The following FAT3 variants were observed in gnomAD, a reference collection of about 807,000 sequenced individuals.
FAT3 encodes the protein protocadherin Fat 3.
Under a neutral mutation model 310.2 loss-of-function variants are expected in FAT3, and 95 were observed. That is an observed-to-expected ratio of 0.31 (90% CI 0.26 to 0.36). The LOEUF is 0.36. Ranked by LOEUF, FAT3 falls within the 10% of genes least tolerant of loss-of-function variation. The probability of loss-of-function intolerance (pLI) is 1.00; values close to 1 mark genes in which losing one functional copy is unlikely to be tolerated. For missense variants in FAT3, 5,408 were observed against 5,715.6 expected, an observed-to-expected ratio of 0.95 and a Z score of 1.74; for synonymous variants, 2,314 against 2,192.9, an observed-to-expected ratio of 1.06 and a Z score of -1.54.
intron 5 of FAT3, among the ~76,000 whole-genome samples, chr11:92,763,119 A>T (rs1946203980): frequency 6.6e-6 from 1 of 151,762 alleles, no homozygotes; most frequent in Admixed American, 6.6e-5. Context: ...AGACCACGCC[A>T]CTGCACTCCA....
At chr11:92,636,766 C>T (rs936350626) in intron 3 of FAT3, among the ~76,000 whole-genome samples, 1 of 152,190 alleles carries the variant, frequency 6.6e-6, no homozygotes, top group Non-Finnish European at 1.5e-5. Context: ...CTATATTGCT[C>T]AGGAAGCCTG....
At position 92,353,290 on chromosome 11, in the gene FAT3, T is replaced by C. The variant is rs1483857575; in HGVS notation, c.1178T>C (p.Val393Ala). ...ATAAGTGAATTTTCCCCTCCTGGTG[T>C]CGTGGTTGCTATAGTAAAATTAAGT... ...VSISEFSPPG[V>A]VVAIVKLSPE... Residue 393 changes from valine (V) to alanine (A), a missense_variant, in exon 2 of 28, where the codon GTC becomes GCC. Coordinates refer to ENST00000525166, the MANE Select transcript of FAT3 (RefSeq NM_001367949.2). 2.5e-6 allele frequency: 4 copies of C among 1,613,706 alleles called. No individual in the cohort carries two copies. Among genetic ancestry groups the C allele is most frequent in the Non-Finnish European group, 3.4e-6 (4 of 1,179,800 alleles).
At chr11:92,295,028 G>A (rs1405722157) in intron 1 of FAT3, among the ~76,000 whole-genome samples, 1 of 152,070 alleles carries the variant, frequency 6.6e-6, no homozygotes, top group Non-Finnish European at 1.5e-5. Context: ...ACCCTATCAT[G>A]AGCAAACCTG....
At position 92,422,862 on chromosome 11, in the gene FAT3, G is replaced by C. The variant is rs1417998336; in HGVS notation, c.3292+67458G>C. Among the ~76,000 whole-genome samples, 3 of 152,148 alleles carry C rather than the reference G, an allele frequency of 2.0e-5. No homozygotes were observed. The East Asian group carries it at 5.8e-4, about 29-fold the overall frequency. ...TCAGTAGATATTCGTTGCATGGCTA[G>C]TGGTCAAATCAGTTGTCTTGCAAGG... On this transcript the variant is annotated intron_variant, in intron 2 of 27. Coordinates refer to ENST00000525166, the MANE Select transcript of FAT3 (RefSeq NM_001367949.2).
chr11:92,719,362 T>C (rs762900822), intron 4 of FAT3, among the ~76,000 whole-genome samples: 14 of 152,338 alleles, frequency 9.2e-5, no homozygotes, highest in Middle Eastern at 3.4e-3. Context: ...ATCTTTCTTT[T>C]AATTTTATAT....
At chr11:92,463,197 A>G (rs909203186) in intron 2 of FAT3, among the ~76,000 whole-genome samples, 1 of 152,216 alleles carries the variant, frequency 6.6e-6, no homozygotes, top group African/African-American at 2.4e-5. Flanking sequence ...AATGTGTGGT[A>G]TTGACCAATT....
Position 92,378,930 on chromosome 11 carries a change from G to A in FAT3, c.3292+23526G>A, listed in dbSNP as rs118176262. 7.0e-4 allele frequency among the ~76,000 whole-genome samples: 107 copies of A among 152,244 alleles called. No homozygotes were observed. In the East Asian group the frequency reaches 0.017, roughly 24 times the overall value. ...ACTAATCCCATTACTGAGGACTGCT[G>A]CCCTGTGATCTAATCACTTTCCAAA... On this transcript the variant is annotated intron_variant, in intron 2 of 27. Transcript: ENST00000525166.
chr11:92,333,104 T>G (rs1947960769), intron 1 of FAT3, among the ~76,000 whole-genome samples: 1 of 152,160 alleles, frequency 6.6e-6, no homozygotes, highest in South Asian at 2.1e-4. Flanking sequence ...CATATTTTTA[T>G]GTATAAAAAC....
intron 1 of FAT3, among the ~76,000 whole-genome samples, chr11:92,345,860 TG>T (rs66591891): frequency 0.023 from 3,503 of 152,256 alleles, 54 homozygotes; most frequent in Non-Finnish European, 0.033. Context: ...GTTTCCTCAA[TG>T]GTTAAACTAG....
At chr11:92,562,409 C>T (rs1955260542) in intron 3 of FAT3, among the ~76,000 whole-genome samples, 1 of 152,088 alleles carries the variant, frequency 6.6e-6, no homozygotes. Flanking sequence ...TTCATGTTCT[C>T]CCAGTTACTC....
chr11:92,804,755 G>A (rs75579401), intron 10 of FAT3, among the ~76,000 whole-genome samples: 7,947 of 152,172 alleles, frequency 0.052, 246 homozygotes, highest in Non-Finnish European at 0.073. Flanking sequence ...CATAATCAAC[G>A]GCTAATGAAA....
At chr11:92,665,605 A>T (rs1942923704) in intron 3 of FAT3, among the ~76,000 whole-genome samples, 1 of 152,160 alleles carries the variant, frequency 6.6e-6, no homozygotes, top group Non-Finnish European at 1.5e-5. Context: ...AACCCTAAAA[A>T]TTATGGGAAT....
chr11:92,621,473 A>G (rs1055479828), intron 3 of FAT3, among the ~76,000 whole-genome samples: 10 of 152,188 alleles, frequency 6.6e-5, no homozygotes, highest in African/African-American at 2.4e-4. Context: ...TTATTCAACT[A>G]GATCAATTTT....
chr11:92,388,257 A>G (rs191983234), intron 2 of FAT3, among the ~76,000 whole-genome samples: 8 of 152,236 alleles, frequency 5.3e-5, no homozygotes, highest in Admixed American at 4.6e-4. Flanking sequence ...GGCTGAATCT[A>G]TCTGGTGCTG....
At chr11:92,833,810 G>A (rs1049632339) in intron 14 of FAT3, among the ~76,000 whole-genome samples, 1 of 152,132 alleles carries the variant, frequency 6.6e-6, no homozygotes, top group African/African-American at 2.4e-5. Context: ...AAACACCATG[G>A]GGAAATGGCT....
At chr11:92,472,061 T>A (rs538047681) in intron 2 of FAT3, among the ~76,000 whole-genome samples, 5 of 151,550 alleles carry the variant, frequency 3.3e-5, no homozygotes, top group Admixed American at 6.6e-5. Flanking sequence ...GGAGTTCACA[T>A]GGAATAAACA....
Position 92,353,702 on chromosome 11 carries a change from A to G in FAT3, c.1590A>G (p.Thr530=). ...ATCAGTTTACAGGTGTTATTAGCAC[A>G]ACTGAAGAACTGGATTTTGAATCCT... ...VINQFTGVIS[T]TEELDFESSP... Residue 530 remains threonine (T), a synonymous_variant, in exon 2 of 28, where the codon ACA becomes ACG. Coordinates refer to ENST00000525166, the MANE Select transcript of FAT3 (RefSeq NM_001367949.2). 1 of 1,613,948 alleles carries G rather than the reference A, an allele frequency of 6.2e-7. No individual in the cohort carries two copies. Among genetic ancestry groups the G allele is most frequent in the Non-Finnish European group, 8.5e-7 (1 of 1,179,876 alleles).
At chr11:92,473,252 A>T (rs114483493) in intron 2 of FAT3, among the ~76,000 whole-genome samples, 2,298 of 152,244 alleles carry the variant, frequency 0.015, 48 homozygotes, top group African/African-American at 0.052. Flanking sequence ...CTTACCATAG[A>T]GCAGGCACTC....
chr11:92,374,030 G>GGGGAGAGAGAGAGA (rs149616749), intron 2 of FAT3, among the ~76,000 whole-genome samples: 1 of 142,136 alleles, frequency 7.0e-6, no homozygotes, highest in African/African-American at 2.7e-5. Flanking sequence ...ACAGAGAGAG[G>GGGGAGAGAGAGAGA]GAGAGAGAGA....
Sources: allele counts gnomAD v4.1 joint callset (sites outside exome capture counted in the v4.1 genomes callset), GRCh38; gene constraint gnomAD v4.1.1; transcripts MANE v1.5; gene names NCBI Gene and HGNC (gene_info 2026-07-23, HGNC 2026-07-21).